ZNF843: variants seen among roughly 807,000 people sequenced by gnomAD.
ZNF843 encodes the protein zinc finger protein 843.
For missense variants in ZNF843, 482 were observed against 469.4 expected (o/e 1.03, Z -0.25); for synonymous variants, 185 against 207.7 (o/e 0.89, Z 0.94).
chr16:31,440,450 AT>A (rs1006015930), intron 1 of ZNF843, among the ~76,000 whole-genome samples: 12 of 152,222 alleles, frequency 7.9e-5, no homozygotes, highest in Middle Eastern at 3.2e-3. Flanking sequence ...AAAAATAAGC[AT>A]TTTTTTAACT....
In ZNF843 at chr16:31,437,036, A is replaced by G. The variant is rs533558179; in HGVS notation, c.-187T>C. The G allele has an allele frequency of 6.8e-5, 40 of 592,192 alleles. 1 individual carries two copies. In the South Asian group the frequency reaches 7.2e-4, roughly 11 times the overall value. The allele number at this position is 592,192 out of a possible 1,614,324, so 36.7% of individuals were successfully genotyped here. A position where few individuals can be genotyped will look rare whatever the true frequency, so the allele number is the denominator to read the frequency against. On this transcript the variant is annotated 5_prime_UTR_variant, in exon 2 of 2. Coordinates refer to ENST00000315678, the MANE Select transcript of ZNF843 (RefSeq NM_001136509.3). ...GTTCTCTAATGTAAGACGCTGGGCA[A>G]TGTCATCTGAAGGTGTTTCTTGAGG...
chr16:31,440,645 T>A (rs1567366396), intron 1 of ZNF843, among the ~76,000 whole-genome samples: 1 of 152,330 alleles, frequency 6.6e-6, no homozygotes, highest in East Asian at 1.9e-4. Context: ...GTGGAATCTT[T>A]TATGTAGGAA....
chr16:31,439,650 C>T (rs1252711152), intron 1 of ZNF843, among the ~76,000 whole-genome samples: 1 of 152,214 alleles, frequency 6.6e-6, no homozygotes, highest in Non-Finnish European at 1.5e-5. Context: ...CTATATGATT[C>T]AATTTCTGTG....
rs1193846048 is a variant in ZNF843, at chr16:31,436,735, C to T, written c.115G>A (p.Gly39Arg). 1.9e-6 allele frequency: 3 copies of T among 1,551,730 alleles called. No homozygotes were observed. The highest frequency in any genetic ancestry group is 1.7e-6 in the Non-Finnish European group (2 of 1,147,020). ...GRQPCKCKAC[G>R]RGFTQSASLL... ...GATGCGCTCTGAGTAAAACCCCTCC[C>T]GCAGGCCTTGCACTTGCAGGGCTGA... Residue 39 changes from glycine to arginine, a missense_variant, in exon 2 of 2, where the codon GGG becomes AGG. Physicochemically the swap from Gly to Arg is moderately radical, Grantham distance 125. Coordinates refer to ENST00000315678, the MANE Select transcript of ZNF843 (RefSeq NM_001136509.3).
chr16:31,436,178 G>A lies in ZNF843; in HGVS notation c.672C>T (p.Gly224=). ...LLPRPPFLYP[G]PPLSLQPLVP... is the part of the protein sequence containing the mutation. ...CCAGAGGCTGGAGACTGAGTGGGGG[G>A]CCAGGATAAAGGAAGGGAGGTCGGG... Residue 224 remains glycine (G), a synonymous_variant, in exon 2 of 2, where the codon GGC becomes GGT. Transcript: ENST00000315678. The A allele has an allele frequency of 6.5e-7, 1 of 1,538,934 alleles. No homozygotes were observed. The highest frequency in any genetic ancestry group is 8.8e-7 in the Non-Finnish European group (1 of 1,140,008).
intron 1 of ZNF843, among the ~76,000 whole-genome samples, chr16:31,441,958 A>G (rs1463372777): frequency 3.3e-5 from 5 of 152,230 alleles, no homozygotes; most frequent in Non-Finnish European, 5.9e-5. Flanking sequence ...ATGGGTGTTC[A>G]TGCCTGTGTG....
upstream of ZNF843, chr16:31,443,106 A>C (rs1307451588): frequency 6.6e-6 from 1 of 152,084 alleles, no homozygotes; most frequent in African/African-American, 2.4e-5. Flanking sequence ...AGTCCGCGCC[A>C]TGCGCATGCA....
Position 31,436,816 on chromosome 16 carries a change from T to C in ZNF843, c.34A>G (p.Ser12Gly), listed in dbSNP as rs2082184216. Residue 12 changes from serine (S) to glycine (G), a missense_variant, in exon 2 of 2, where the codon AGC (serine) becomes GGC (glycine). By Grantham distance (56) the Ser-to-Gly change is moderately conservative (BLOSUM62 0). Transcript: ENST00000315678. ...CAGGTAGGAGCTCTGGCTGAAACGC[T>C]TTCCACAGTCAGGGCAAAGGGGAGG... ...RSLPFALTVESVSARAPTCCS... is the reference protein window; with the variant it reads ...RSLPFALTVEGVSARAPTCCS... 6.5e-7 allele frequency: 1 copy of C among 1,549,128 alleles called. No homozygotes were observed. The highest frequency in any genetic ancestry group is 8.7e-7 in the Non-Finnish European group (1 of 1,145,526).
Position 31,436,857 on chromosome 16 carries a change from G to A in ZNF843, c.-8C>T, listed in dbSNP as rs987715508. On this transcript the variant is annotated 5_prime_UTR_variant, in exon 2 of 2. Transcript: ENST00000315678. ...AAAGGGGAGGCTTCTCATGAGCAGG[G>A]CTTCGGAGATGACCGCTCAGGGAGT... 13 of 1,520,424 alleles carry A rather than the reference G, an allele frequency of 8.6e-6. No individual in the cohort carries two copies. The highest frequency in any genetic ancestry group is 1.2e-5 in the Non-Finnish European group (13 of 1,130,172). The allele number at this position is 1,520,424 out of a possible 1,614,324, so 94.2% of individuals were successfully genotyped here.
intron 1 of ZNF843, among the ~76,000 whole-genome samples, chr16:31,437,545 G>A (rs542417627): frequency 6.7e-6 from 1 of 149,764 alleles, no homozygotes; most frequent in Admixed American, 6.6e-5. Flanking sequence ...GGCTCAAGCG[G>A]TTGGCCCACC....
Position 31,436,467 on chromosome 16 carries a change from G to A in ZNF843, c.383C>T (p.Pro128Leu), listed in dbSNP as rs74015530. 18,165 of 1,551,640 alleles carry A rather than the reference G, an allele frequency of 0.012. 1,605 individuals carry two copies. The African/African-American group carries it at 0.2, about 17-fold the overall frequency. ...CGCTGGTGGCCGATCAGCTTCCACCGGTCCCCAAAAACCTGCTGGTACTGG... is the reference window on the plus strand; with the variant it reads ...CGCTGGTGGCCGATCAGCTTCCACCAGTCCCCAAAAACCTGCTGGTACTGG... ...LSPVPAGFWG[P>L]VEADRPPANS... The change falls in exon 2 of 2, where the codon CCG (proline) becomes CTG (leucine). Residue 128 changes from proline to leucine, a missense_variant. Pro to Leu is a moderately conservative substitution (Grantham distance 98). Transcript: ENST00000315678.
In ZNF843 at chr16:31,435,757, C is replaced by G; in HGVS notation, c.*46G>C. The G allele has an allele frequency of 7.0e-7, 1 of 1,434,984 alleles. No homozygotes were observed. Among genetic ancestry groups the G allele is most frequent in the Non-Finnish European group, 9.2e-7 (1 of 1,090,816 alleles). The allele number at this position is 1,434,984 out of a possible 1,614,324, so 88.9% of individuals were successfully genotyped here. A position where few individuals can be genotyped will look rare whatever the true frequency, so the allele number is the denominator to read the frequency against. On this transcript the variant is annotated 3_prime_UTR_variant, in exon 2 of 2. Transcript: ENST00000315678. ...GACTGCATCTCAGATCCACAGTCCACCGGCGGCTGCAACAATTCCACCCAG... is the reference window on the plus strand; with the variant it reads ...GACTGCATCTCAGATCCACAGTCCAGCGGCGGCTGCAACAATTCCACCCAG...
Position 31,442,620 on chromosome 16 carries a change from C to T in ZNF843, c.-336+16G>A, listed in dbSNP as rs116932656. Reference sequence around the variant, plus strand: ...GGGCGTGAGCCACCGCGCCCGGCCCCTTCGCTCGCTCTTACCCGGTGAGGT... The same window carrying T: ...GGGCGTGAGCCACCGCGCCCGGCCCTTTCGCTCGCTCTTACCCGGTGAGGT... On this transcript the variant is annotated intron_variant, in intron 1 of 1. Coordinates refer to ENST00000315678, the MANE Select transcript of ZNF843 (RefSeq NM_001136509.3). 5,081 of 152,478 alleles carry T rather than the reference C, an allele frequency of 0.033. 128 individuals are homozygous for T. Among genetic ancestry groups the T allele is most frequent in the Middle Eastern group, 0.087 (26 of 298 alleles). The allele number at this position is 152,478 out of a possible 1,614,324, so 9.4% of individuals were successfully genotyped here.
At position 31,436,960 on chromosome 16, in the gene ZNF843, TCA is replaced by T. The variant is rs2082184966; in HGVS notation, c.-113_-112del. 2.7e-6 allele frequency: 3 copies of T among 1,095,228 alleles called. No homozygotes were observed. The highest frequency in any genetic ancestry group is 2.9e-5 in the Admixed American group (1 of 34,248). The allele number at this position is 1,095,228 out of a possible 1,614,324, so 67.8% of individuals were successfully genotyped here. On this transcript the variant is annotated 5_prime_UTR_variant, in exon 2 of 2. An upstream open reading frame in the 5' UTR loses its in-frame stop. Coordinates refer to ENST00000315678, the MANE Select transcript of ZNF843 (RefSeq NM_001136509.3). ...ACTCAGGCTTCCCGTGGCCACGAGC[TCA>T]CAGTCTGGGAGCAGCACCCGGCCCC... is the stretch of plus-strand genomic sequence containing the variant.
Position 31,437,035 on chromosome 16 carries a change from A to G in ZNF843, c.-186T>C. On this transcript the variant is annotated 5_prime_UTR_variant, in exon 2 of 2. Transcript: ENST00000315678. Reference sequence around the variant, plus strand: ...AGTTCTCTAATGTAAGACGCTGGGCAATGTCATCTGAAGGTGTTTCTTGAG... The same window carrying G: ...AGTTCTCTAATGTAAGACGCTGGGCGATGTCATCTGAAGGTGTTTCTTGAG... 1.7e-6 allele frequency: 1 copy of G among 593,514 alleles called. No homozygotes were observed. Among genetic ancestry groups the G allele is most frequent in the South Asian group, 2.3e-5 (1 of 43,334 alleles). The allele number at this position is 593,514 out of a possible 1,614,324, so 36.8% of individuals were successfully genotyped here. A position where few individuals can be genotyped will look rare whatever the true frequency, so the allele number is the denominator to read the frequency against.
intron 1 of ZNF843, among the ~76,000 whole-genome samples, chr16:31,437,429 A>G (rs990780437): frequency 6.7e-6 from 1 of 148,818 alleles, no homozygotes; most frequent in African/African-American, 2.5e-5. Context: ...TCAGTCTCTC[A>G]AGTAGCTGGG....
chr16:31,440,148 T>C (rs2082196369), intron 1 of ZNF843, among the ~76,000 whole-genome samples: 1 of 152,160 alleles, frequency 6.6e-6, no homozygotes, highest in Non-Finnish European at 1.5e-5. Context: ...AACTGAGGCA[T>C]AGAAAGTTTA....
Position 31,436,150 on chromosome 16 carries a change from G to T in ZNF843, c.700C>A (p.Pro234Thr). 3 of 1,546,088 alleles carry T rather than the reference G, an allele frequency of 1.9e-6. No homozygotes were observed. The highest frequency in any genetic ancestry group is 2.6e-6 in the Non-Finnish European group (3 of 1,144,078). The change falls in exon 2 of 2, where the codon CCA (proline) becomes ACA (threonine). Residue 234 changes from proline to threonine, a missense_variant. Transcript: ENST00000315678. The part of the protein sequence containing the change: ...GPPLSLQPLV[P>T]SGLPAVPAVP... The stretch of plus-strand genomic sequence containing the variant: ...GCAGGCACTGCGGGAAGGCCGGATG[G>T]AACCAGAGGCTGGAGACTGAGTGGG...
chr16:31,436,278 T>A lies in ZNF843; in HGVS notation c.572A>T (p.Asp191Val). The A allele has an allele frequency of 6.5e-7, 1 of 1,549,074 alleles. No homozygotes were observed. The highest frequency in any genetic ancestry group is 8.7e-7 in the Non-Finnish European group (1 of 1,145,630). The change falls in exon 2 of 2, where the codon GAC (aspartate) becomes GTC (valine). Residue 191 changes from aspartate (D) to valine (V), a missense_variant. Asp to Val is a radical substitution (Grantham distance 152). Coordinates refer to ENST00000315678, the MANE Select transcript of ZNF843 (RefSeq NM_001136509.3). The stretch of plus-strand genomic sequence containing the variant: ...ACAGGGCCGGAGCCCAGAGGTGCTG[T>A]CCGGGGCGACTGAGCTGGGTGCGAG... Reference protein sequence around the residue: ...VSLAPSSVAPDSTSGLRPCGS... With the variant: ...VSLAPSSVAPVSTSGLRPCGS...
Sources: allele counts gnomAD v4.1 joint callset (sites outside exome capture counted in the v4.1 genomes callset), GRCh38; gene constraint gnomAD v4.1.1; transcripts MANE v1.5; gene names NCBI Gene and HGNC (gene_info 2026-07-23, HGNC 2026-07-21).